The following SYNJ2 variants were observed in gnomAD, a reference collection of about 807,000 sequenced individuals.
SYNJ2 encodes synaptojanin 2.
SYNJ2 carries 116 observed loss-of-function variants against 141.3 expected under a neutral mutation model. That is an observed-to-expected ratio of 0.82 (90% CI 0.71 to 0.96). SYNJ2 has a LOEUF of 0.96. SYNJ2 is among the 40% of genes least tolerant of loss of function. The pLI is 0.00. For synonymous variants in SYNJ2, 745 were observed against 777.7 expected, an observed-to-expected ratio of 0.96 and a Z score of 0.70; for missense variants, 1,873 against 1,934.8, an observed-to-expected ratio of 0.97 and a Z score of 0.60.
At chr6:158,083,948 G>A (rs1365456273) in intron 21 of SYNJ2, 53 bp from the exon 22 acceptor site, 4 of 1,590,810 alleles carry the variant, frequency 2.5e-6, no homozygotes, top group Admixed American at 1.7e-5. Context: ...GGAAGACTGA[G>A]CCTTTCCCCC....
chr6:157,988,958 C>T (rs142403562), intron 1 of SYNJ2, among the ~76,000 whole-genome samples: 119 of 152,206 alleles, frequency 7.8e-4, no homozygotes, highest in African/African-American at 2.7e-3. Flanking sequence ...TGCTTCTTTT[C>T]GAGATCTCAC....
intron 6 of SYNJ2, among the ~76,000 whole-genome samples, chr6:158,058,120 C>T (rs1301817553): frequency 1.3e-5 from 2 of 152,088 alleles, no homozygotes; most frequent in South Asian, 4.1e-4. Flanking sequence ...CGCTCATAAA[C>T]GTGTCATTAC....
At position 158,093,457 on chromosome 6, in the gene SYNJ2, A is replaced by C. The variant is rs373552526; in HGVS notation, c.3744+353A>C. Among the ~76,000 whole-genome samples, 222 of 151,440 alleles carry C rather than the reference A, an allele frequency of 1.5e-3. 1 individual carries two copies. Among genetic ancestry groups the C allele is most frequent in the African/African-American group, 5.2e-3 (212 of 40,846 alleles). On this transcript the variant is annotated intron_variant, in intron 26 of 26. Coordinates refer to ENST00000355585, the MANE Select transcript of SYNJ2 (RefSeq NM_003898.4). ...CCTCAAAAAAAAAAAAAACAAAAAA[A>C]AAAAAACAGATTTGCGTCTCACAGA... is the stretch of plus-strand genomic sequence containing the variant.
At position 158,007,673 on chromosome 6, in the gene SYNJ2, G is replaced by A. The variant is rs561201304; in HGVS notation, c.128-9531G>A. On this transcript the variant is annotated intron_variant, in intron 1 of 26. Coordinates refer to ENST00000355585, the MANE Select transcript of SYNJ2 (RefSeq NM_003898.4). ...TTGTTTTTGTTTTAGACGGAGTTTC[G>A]CTCTTGTCACGCAGGCTGGAGTGCA... 7.9e-4 allele frequency among the ~76,000 whole-genome samples: 120 copies of A among 152,092 alleles called. No individual in the cohort carries two copies. In the Middle Eastern group the frequency reaches 0.017, roughly 22 times the overall value.
chr6:158,012,246 C>G (rs1778294719), intron 1 of SYNJ2, among the ~76,000 whole-genome samples: 1 of 152,210 alleles, frequency 6.6e-6, no homozygotes, highest in Non-Finnish European at 1.5e-5. Flanking sequence ...GGCTGGAAGG[C>G]CCACATCCTC....
At chr6:158,008,285 T>C (rs1463738824) in intron 1 of SYNJ2, among the ~76,000 whole-genome samples, 1 of 152,258 alleles carries the variant, frequency 6.6e-6, no homozygotes, top group Admixed American at 6.5e-5. Flanking sequence ...GGTTGTGTTT[T>C]TTAAAAGAGC....
At chr6:158,059,815 A>G (rs925343574) in intron 7 of SYNJ2, among the ~76,000 whole-genome samples, 4 of 152,188 alleles carry the variant, frequency 2.6e-5, no homozygotes, top group East Asian at 1.9e-4. Context: ...TCGGCCTCCC[A>G]AAGTGCTGGG....
At chr6:158,001,604 T>G (rs1332635233) in intron 1 of SYNJ2, 1 of 152,142 alleles carries the variant, frequency 6.6e-6, no homozygotes, top group Non-Finnish European at 1.5e-5. Context: ...TTCATCATGT[T>G]GGCCAGGCTG....
At chr6:158,000,404 C>A (rs539871897) in intron 1 of SYNJ2, among the ~76,000 whole-genome samples, 12 of 152,204 alleles carry the variant, frequency 7.9e-5, no homozygotes, top group African/African-American at 2.9e-4. Flanking sequence ...TTTGTTCCTT[C>A]ATCTTTCTTG....
intron 1 of SYNJ2, among the ~76,000 whole-genome samples, chr6:157,998,936 GACTACATAAAAATGGAAAAC>G (rs1777733541): frequency 6.6e-6 from 1 of 152,086 alleles, no homozygotes; most frequent in South Asian, 2.1e-4. Context: ...TGATAGATTT[GACTACATAAAAATGGAAAAC>G]TCCAATATAT....
chr6:158,059,165 C>T (rs1781048295), intron 6 of SYNJ2, 92 bp from the exon 7 acceptor site: 1 of 1,315,612 alleles, frequency 7.6e-7, no homozygotes, highest in Non-Finnish European at 1.0e-6. Flanking sequence ...GAAAGCATGA[C>T]TCCTGCCCCG....
Position 158,028,850 on chromosome 6 carries a change from C to A in SYNJ2, c.309C>A (p.Asp103Glu). 1 of 1,614,174 alleles carries A rather than the reference C, an allele frequency of 6.2e-7. No homozygotes were observed. Among genetic ancestry groups the A allele is most frequent in the South Asian group, 1.1e-5 (1 of 91,082 alleles). Residue 103 changes from aspartate (D) to glutamate (E), a missense_variant, in exon 3 of 27, where the codon GAC becomes GAA. Coordinates refer to ENST00000355585, the MANE Select transcript of SYNJ2 (RefSeq NM_003898.4). ...AAATCTACAAAATCACTGCCACTGA[C>A]TTTTACCCTCTTCAGGAAGAGGCCA... ...DAEIYKITAT[D>E]FYPLQEEAKE...
chr6:158,029,893 T>C (rs1040563140), intron 3 of SYNJ2, among the ~76,000 whole-genome samples: 10 of 152,304 alleles, frequency 6.6e-5, no homozygotes, highest in African/African-American at 2.2e-4. Flanking sequence ...GAGGGAATTT[T>C]GCCAAACTCC....
chr6:158,020,190 TGTGACTCTGACTGTGTGACCCCCACCTGC>T (rs755366228), intron 2 of SYNJ2, among the ~76,000 whole-genome samples: 33,256 of 128,032 alleles, frequency 0.26, 11,155 homozygotes, highest in African/African-American at 0.31. Flanking sequence ...CCCCCACCTG[TGTGACTCTGACTGTGTGACCCCCACCTGC>T]GTGACTCTGA....
At chr6:157,981,320 C>CT (rs1409483664), upstream of SYNJ2, among the ~76,000 whole-genome samples, 1 of 152,266 alleles carries the variant, frequency 6.6e-6, no homozygotes, top group Non-Finnish European at 1.5e-5. The surrounding 1 kb of genome is among the most constrained non-coding windows in gnomAD (Gnocchi z 6.4). Context: ...GAAAGGTAAC[C>CT]TTTCTCCAGC....
chr6:158,071,854 T>C lies in SYNJ2; in HGVS notation c.2133+60T>C. Reference sequence around the variant, plus strand: ...TGCTCAGCTCAGTCCCAAATGTGACTGTTGATAGGAGCCAGGCACTGGGGA... The same window carrying C: ...TGCTCAGCTCAGTCCCAAATGTGACCGTTGATAGGAGCCAGGCACTGGGGA... On this transcript the variant is annotated intron_variant, in intron 15 of 26. Transcript: ENST00000355585. This position sits in a 1 kb window ranked among gnomAD's most constrained non-coding sequence, Gnocchi z 4.3. The C allele has an allele frequency of 1.3e-6, 2 of 1,561,262 alleles. No homozygotes were observed. Among genetic ancestry groups the C allele is most frequent in the Non-Finnish European group, 1.7e-6 (2 of 1,153,822 alleles).
In SYNJ2 at chr6:158,071,865, G is replaced by A. The variant is rs1781948741; in HGVS notation, c.2133+71G>A. On this transcript the variant is annotated intron_variant, in intron 15 of 26. Transcript: ENST00000355585. This position sits in a 1 kb window ranked among gnomAD's most constrained non-coding sequence, Gnocchi z 4.3. ...GTCCCAAATGTGACTGTTGATAGGA[G>A]CCAGGCACTGGGGACACAACCACAG... The A allele has an allele frequency of 3.3e-6, 5 of 1,528,256 alleles. No homozygotes were observed. The highest frequency in any genetic ancestry group is 2.6e-6 in the Non-Finnish European group (3 of 1,133,012). 94.7% of individuals were successfully genotyped at this position (1,528,256 alleles called of 1,614,324 possible).
intron 1 of SYNJ2, among the ~76,000 whole-genome samples, chr6:157,983,822 TA>T (rs1032058365): frequency 6.6e-5 from 10 of 151,112 alleles, no homozygotes; most frequent in South Asian, 4.2e-4. Context: ...TAGAAAACTT[TA>T]AAAAAAAATT....
At chr6:158,039,318 C>T (rs898555691) in intron 4 of SYNJ2, among the ~76,000 whole-genome samples, 1 of 152,258 alleles carries the variant, frequency 6.6e-6, no homozygotes, top group Admixed American at 6.5e-5. Context: ...TCTGCGGCCA[C>T]CTGCTGAGGA....
Sources: gnomAD v4.1 joint callset for allele counts (sites outside exome capture counted in the v4.1 genomes callset) on GRCh38, gnomAD v4.1.1 for gene constraint, Gnocchi (gnomAD v3.1) non-coding constraint, MANE v1.5 for transcripts, NCBI Gene and HGNC (gene_info 2026-07-23, HGNC 2026-07-21) for gene names.